Variants in RCL1 observed in about 807,000 individuals in gnomAD.
The protein encoded by RCL1 is RNA terminal phosphate cyclase like 1.
A neutral mutation model predicts 42.4 loss-of-function variants in RCL1; 24 were observed. The ratio of observed to expected loss-of-function variants is 0.57; its 90% confidence interval spans 0.41 to 0.80. RCL1 has a LOEUF of 0.80. RCL1 is among the 30% of genes least tolerant of loss of function. RCL1 has a pLI of 0.00. For missense variants in RCL1, 578 were observed against 467.9 expected, an observed-to-expected ratio of 1.24 and a Z score of -2.17; for synonymous variants, 228 against 177.3, an observed-to-expected ratio of 1.29 and a Z score of -2.27.
At chr9:4,853,573 G>A (rs758042271) in intron 8 of RCL1, among the ~76,000 whole-genome samples, 4 of 151,884 alleles carry the variant, frequency 2.6e-5, no homozygotes, top group Non-Finnish European at 4.4e-5. Context: ...CACATGCTTC[G>A]GCCTCCCAAA....
intron 8 of RCL1, among the ~76,000 whole-genome samples, chr9:4,851,025 A>C (rs1229949037): frequency 6.6e-6 from 1 of 151,922 alleles, no homozygotes; most frequent in African/African-American, 2.4e-5. Context: ...TTTTCGTGAC[A>C]CTTTTTTTCT....
At chr9:4,858,975 G>A (rs1037627948) in intron 8 of RCL1, among the ~76,000 whole-genome samples, 2 of 152,162 alleles carry the variant, frequency 1.3e-5, no homozygotes, top group Non-Finnish European at 2.9e-5. Flanking sequence ...GGGTAGGGAG[G>A]GATCAGCTTT....
chr9:4,850,315 T>C (rs779213487), intron 8 of RCL1: 1 of 534,374 alleles, frequency 1.9e-6, no homozygotes, highest in Non-Finnish European at 3.8e-6. Context: ...TTTTCGGTTA[T>C]CATGGTACCG....
chr9:4,837,757 C>T (rs948541565), intron 5 of RCL1, among the ~76,000 whole-genome samples: 5 of 152,198 alleles, frequency 3.3e-5, no homozygotes, highest in African/African-American at 1.2e-4. Flanking sequence ...TCCTCCCTGG[C>T]TTCTCCCTCT....
intron 4 of RCL1, 144 bp from the exon 5 acceptor site, chr9:4,833,997 G>T: frequency 1.2e-6 from 1 of 863,754 alleles, no homozygotes; most frequent in South Asian, 1.8e-5. Flanking sequence ...GGTGCTGTTG[G>T]TCTTGAAGGG....
chr9:4,832,852 C>G (rs1439518476), intron 3 of RCL1, among the ~76,000 whole-genome samples: 1 of 129,752 alleles, frequency 7.7e-6, no homozygotes, highest in African/African-American at 2.8e-5. Context: ...CATTTGTTTT[C>G]TACAACAGTC....
chr9:4,797,749 C>G (rs1288586360), intron 1 of RCL1, among the ~76,000 whole-genome samples: 1 of 152,166 alleles, frequency 6.6e-6, no homozygotes, highest in Admixed American at 6.5e-5. Context: ...ACCAAGAAGA[C>G]TACACAAGGA....
At chr9:4,858,460 T>C (rs1184753997) in intron 8 of RCL1, among the ~76,000 whole-genome samples, 2 of 152,254 alleles carry the variant, frequency 1.3e-5, no homozygotes, top group Non-Finnish European at 2.9e-5. Flanking sequence ...GAATATTTAC[T>C]CCTGTATTTT....
chr9:4,858,131 C>T (rs573073235), intron 8 of RCL1, among the ~76,000 whole-genome samples: 5 of 152,154 alleles, frequency 3.3e-5, no homozygotes, highest in East Asian at 1.9e-4. Flanking sequence ...CTGCCTTGGC[C>T]TCCCAAACTG....
chr9:4,837,766 C>T (rs978187835), intron 5 of RCL1, among the ~76,000 whole-genome samples: 28 of 152,300 alleles, frequency 1.8e-4, no homozygotes, highest in African/African-American at 6.7e-4. Context: ...GCTTCTCCCT[C>T]TAATGTTCTT....
chr9:4,802,074 A>ATTTTTTTTTTTTTTTTTTTTTTTTTT, intron 1 of RCL1, among the ~76,000 whole-genome samples: 1 of 95,458 alleles, frequency 1.0e-5, no homozygotes, highest in Non-Finnish European at 2.1e-5. Context: ...ACGCCTGGCT[A>ATTTTTTTTTTTTTTTTTTTTTTTTTT]TTTTTTTTTT....
At chr9:4,839,759 GA>G in intron 5 of RCL1, 1 of 970,504 alleles carries the variant, frequency 1.0e-6, no homozygotes, top group Non-Finnish European at 1.2e-6. Context: ...GTGTATTGGA[GA>G]GTTGGGAGGG....
chr9:4,827,759 C>CGT (rs1183139914), intron 3 of RCL1, among the ~76,000 whole-genome samples: 16 of 44,992 alleles, frequency 3.6e-4, no homozygotes, highest in African/African-American at 5.1e-4. Flanking sequence ...TGTGTGTGCA[C>CGT]GCGTGTGTGT....
chr9:4,828,290 T>C (rs1357035435), intron 3 of RCL1, among the ~76,000 whole-genome samples: 1 of 152,134 alleles, frequency 6.6e-6, no homozygotes, highest in African/African-American at 2.4e-5. Flanking sequence ...ATGTGAATTA[T>C]GTAGCTTTTC....
Position 4,826,981 on chromosome 9 carries a change from A to G in RCL1, c.332A>G (p.His111Arg), listed in dbSNP as rs763280147. The G allele has an allele frequency of 7.4e-6, 12 of 1,614,200 alleles. No individual in the cohort carries two copies. The South Asian group carries it at 8.8e-5, about 12-fold the overall frequency. The stretch of plus-strand genomic sequence containing the variant: ...CTTTGCTTGGCTCCATTTATGAAGC[A>G]CCCGTTAAAAATAGTTCTACGAGGA... ...SLLCLAPFMK[H>R]PLKIVLRGVT... Residue 111 changes from histidine to arginine, a missense_variant, in exon 3 of 9, where the codon CAC becomes CGC. Coordinates refer to ENST00000381750, the MANE Select transcript of RCL1 (RefSeq NM_005772.5).
At chr9:4,850,428 G>A in intron 8 of RCL1, 1 of 422,506 alleles carries the variant, frequency 2.4e-6, no homozygotes, top group Non-Finnish European at 5.4e-6. Context: ...GCACCCTTGG[G>A]CCATGGCGTT....
intron 5 of RCL1, among the ~76,000 whole-genome samples, chr9:4,835,319 T>C (rs950946792): frequency 3.9e-5 from 6 of 152,062 alleles, no homozygotes; most frequent in African/African-American, 1.4e-4. Flanking sequence ...AAACAAAACA[T>C]AGCTTCCTGG....
At chr9:4,851,514 C>T (rs912335751) in intron 8 of RCL1, among the ~76,000 whole-genome samples, 85 of 152,172 alleles carry the variant, frequency 5.6e-4, no homozygotes, top group Non-Finnish European at 1.1e-3. Flanking sequence ...CAGGATGCAG[C>T]AGGCAAAGTT....
intron 8 of RCL1, among the ~76,000 whole-genome samples, chr9:4,855,837 C>T (rs750012426): frequency 2.5e-4 from 38 of 152,064 alleles, no homozygotes; most frequent in Non-Finnish European, 5.0e-4. Context: ...CTAACTGTTC[C>T]AAAGGCTACA....
Sources: gnomAD v4.1 joint callset for allele counts (sites outside exome capture counted in the v4.1 genomes callset) on GRCh38, gnomAD v4.1.1 for gene constraint, MANE v1.5 for transcripts, NCBI Gene and HGNC (gene_info 2026-07-23, HGNC 2026-07-21) for gene names.